The following SYT1 variants were observed in gnomAD, a reference collection of about 807,000 sequenced individuals.
SYT1 encodes the protein synaptotagmin-1.
In SYT1, 8 loss-of-function variants were observed where a neutral mutation model predicts 44.8. The observed-to-expected ratio is 0.18, with a 90% CI of 0.10 to 0.32. The LOEUF is 0.32. SYT1 is among the 10% of genes least tolerant of loss of function. SYT1 has a pLI of 1.00. For missense variants in SYT1, 286 were observed against 509.3 expected, an observed-to-expected ratio of 0.56 and a Z score of 4.22; for synonymous variants, 154 against 188.8, an observed-to-expected ratio of 0.82 and a Z score of 1.51.
rs183988715 is a variant in SYT1 at position 79,095,851 on chromosome 12, C to A, written c.-18+48489C>A. Among the ~76,000 whole-genome samples, 61 of 151,950 alleles carry A rather than the reference C, an allele frequency of 4.0e-4. No homozygotes were observed. The South Asian group carries it at 8.5e-3, about 21-fold the overall frequency. ...ATTCAATAATTTGTGTCTATAAAAC[C>A]AACTGACAAGAGACAGATTAACAGG... On this transcript the variant is annotated intron_variant, in intron 3 of 10. Transcript: ENST00000261205.
chr12:79,012,885 T>C (rs1871510592), intron 2 of SYT1, among the ~76,000 whole-genome samples: 1 of 152,140 alleles, frequency 6.6e-6, no homozygotes. Flanking sequence ...CTGTGCTTTC[T>C]GGGACGTACC....
At chr12:79,164,524 T>C (rs968298591) in intron 3 of SYT1, among the ~76,000 whole-genome samples, 4 of 152,090 alleles carry the variant, frequency 2.6e-5, no homozygotes, top group Non-Finnish European at 5.9e-5. Flanking sequence ...TATGTCCCTT[T>C]ACCTGCCTTA....
intron 9 of SYT1, among the ~76,000 whole-genome samples, chr12:79,378,098 G>A (rs1884074005): frequency 6.6e-6 from 1 of 152,064 alleles, no homozygotes; most frequent in African/African-American, 2.4e-5. Context: ...TAAAATGCAG[G>A]CCATAAGCCA....
chr12:78,875,518 A>G (rs1355327805), intron 1 of SYT1, among the ~76,000 whole-genome samples: 1 of 151,664 alleles, frequency 6.6e-6, no homozygotes, highest in East Asian at 1.9e-4. Context: ...GGGTCAAATG[A>G]AGCAACCAGT....
chr12:79,243,533 CA>C (rs1192969721), intron 4 of SYT1, among the ~76,000 whole-genome samples: 3 of 152,168 alleles, frequency 2.0e-5, no homozygotes, highest in Non-Finnish European at 4.4e-5. Flanking sequence ...ATTGCTAAAG[CA>C]ATCGAAATCG....
intron 9 of SYT1, among the ~76,000 whole-genome samples, chr12:79,391,212 T>C (rs555485257): frequency 2.0e-5 from 3 of 152,318 alleles, no homozygotes; most frequent in Admixed American, 2.0e-4. Context: ...TTAAAAATGC[T>C]GGTGCCCAGG....
At chr12:79,004,982 C>A (rs1278153800) in intron 2 of SYT1, among the ~76,000 whole-genome samples, 1 of 151,860 alleles carries the variant, frequency 6.6e-6, no homozygotes, top group Non-Finnish European at 1.5e-5. Context: ...GTATGAAACC[C>A]CAGGGTTTCA....
At position 79,042,086 on chromosome 12, in the gene SYT1, C is replaced by CTT. The variant is rs201820892; in HGVS notation, c.-83-5206_-83-5205dup. ...ATCAAGGATATTGGTCTAAAATTCT[C>CTT]TTTTTTGGTTGTGTCTCTGCCCAGC... On this transcript the variant is annotated intron_variant, in intron 2 of 10. Coordinates refer to ENST00000261205, the MANE Select transcript of SYT1 (RefSeq NM_005639.3). Among the ~76,000 whole-genome samples, 573 of 150,240 alleles carry CTT rather than the reference C, an allele frequency of 3.8e-3. 11 individuals are homozygous for CTT. In the East Asian group the frequency reaches 0.06, roughly 16 times the overall value.
chr12:79,291,211 G>T (rs1307237357), intron 5 of SYT1, among the ~76,000 whole-genome samples: 1 of 152,186 alleles, frequency 6.6e-6, no homozygotes, highest in Non-Finnish European at 1.5e-5. Context: ...CAATTGGTCA[G>T]ACTGAGTTTT....
intron 3 of SYT1, among the ~76,000 whole-genome samples, chr12:79,187,196 G>A (rs927557126): frequency 1.3e-5 from 2 of 151,958 alleles, no homozygotes; most frequent in African/African-American, 2.4e-5. Context: ...CATTCAAGTG[G>A]CAATACACCA....
At chr12:78,988,669 C>T (rs542632173) in intron 2 of SYT1, among the ~76,000 whole-genome samples, 1 of 151,818 alleles carries the variant, frequency 6.6e-6, no homozygotes, top group Admixed American at 6.6e-5. Context: ...AGGAAATATA[C>T]TTGGAGATGT....
At chr12:78,869,380 A>G (rs2137032114) in intron 1 of SYT1, among the ~76,000 whole-genome samples, 1 of 152,158 alleles carries the variant, frequency 6.6e-6, no homozygotes, top group African/African-American at 2.4e-5. Context: ...ATTATAGTGC[A>G]AATGTATGCT....
intron 4 of SYT1, among the ~76,000 whole-genome samples, chr12:79,228,566 T>C (rs1450864463): frequency 2.0e-5 from 3 of 152,162 alleles, no homozygotes; most frequent in African/African-American, 7.2e-5. Flanking sequence ...TTTGTTATGA[T>C]CTTTTCTCCC....
At chr12:79,443,295 T>C (rs1488465132) in intron 9 of SYT1, among the ~76,000 whole-genome samples, 1 of 152,200 alleles carries the variant, frequency 6.6e-6, no homozygotes, top group African/African-American at 2.4e-5. Context: ...TAAATGTTAA[T>C]TCCATAGATG....
intron 2 of SYT1, among the ~76,000 whole-genome samples, chr12:79,004,503 T>A (rs1870951385): frequency 6.6e-6 from 1 of 152,014 alleles, no homozygotes; most frequent in South Asian, 2.1e-4. Context: ...GTAATTTGAA[T>A]GAAATTTCAA....
At chr12:79,070,646 A>G (rs1175414298) in intron 3 of SYT1, among the ~76,000 whole-genome samples, 1 of 152,040 alleles carries the variant, frequency 6.6e-6, no homozygotes, top group African/African-American at 2.4e-5. Context: ...TAAACTAGAA[A>G]GATGTACTAA....
At chr12:79,211,672 G>T (rs1049114493) in intron 3 of SYT1, among the ~76,000 whole-genome samples, 11 of 141,396 alleles carry the variant, frequency 7.8e-5, no homozygotes, top group South Asian at 2.2e-4. Flanking sequence ...TTCCCACCTA[G>T]GAGTGAGAAT....
At chr12:78,890,413 T>C (rs1311412055) in intron 1 of SYT1, among the ~76,000 whole-genome samples, 3 of 151,804 alleles carry the variant, frequency 2.0e-5, no homozygotes, top group Non-Finnish European at 4.4e-5. Flanking sequence ...CGGGGAAGGA[T>C]AGCATTAGTA....
chr12:79,174,125 A>G (rs1871713532), intron 3 of SYT1, among the ~76,000 whole-genome samples: 1 of 152,080 alleles, frequency 6.6e-6, no homozygotes. Flanking sequence ...CACTATAATT[A>G]TGAAAATCAT....
Sources: gnomAD v4.1 joint callset for allele counts (sites outside exome capture counted in the v4.1 genomes callset) on GRCh38, gnomAD v4.1.1 for gene constraint, MANE v1.5 for transcripts, NCBI Gene and HGNC (gene_info 2026-07-23, HGNC 2026-07-21) for gene names.